The following ENPP6 variants were observed in gnomAD, a reference collection of about 807,000 sequenced individuals.
The protein encoded by ENPP6 is ectonucleotide pyrophosphatase/phosphodiesterase 6.
A neutral mutation model predicts 42.0 loss-of-function variants in ENPP6; 32 were observed. That is an observed-to-expected ratio of 0.76 (90% CI 0.58 to 1.02). The LOEUF (loss-of-function observed/expected upper bound fraction) is 1.02. Ranked by LOEUF, ENPP6 falls within the 50% of genes least tolerant of loss-of-function variation. The pLI is 0.00. For synonymous variants in ENPP6, 213 were observed against 216.0 expected (o/e 0.99, Z 0.12); for missense variants, 552 against 566.8 (o/e 0.97, Z 0.27).
intron 1 of ENPP6, among the ~76,000 whole-genome samples, chr4:184,210,324 G>C (rs1373022351): frequency 4.9e-5 from 7 of 143,112 alleles, no homozygotes; most frequent in African/African-American, 1.9e-4. Flanking sequence ...CCATCAGTGT[G>C]CTGTATTCAG....
Position 184,140,528 on chromosome 4 carries a change from G to T in ENPP6, c.421+13026C>A, listed in dbSNP as rs572169921. Among the ~76,000 whole-genome samples, 7 of 138,444 alleles carry T rather than the reference G, an allele frequency of 5.1e-5. No individual in the cohort carries two copies. In the South Asian group the frequency reaches 1.5e-3, roughly 30 times the overall value. The allele number at this position is 138,444 out of a possible 152,430, so 90.8% of individuals were successfully genotyped here. ...CAGTAACCAAAACAGCATGGTACTG[G>T]TACCAAAACAGAGATATAGATCAAT... On this transcript the variant is annotated intron_variant, in intron 2 of 7. Transcript: ENST00000296741.
chr4:184,127,921 A>G (rs1313256503), intron 2 of ENPP6, among the ~76,000 whole-genome samples: 1 of 152,142 alleles, frequency 6.6e-6, no homozygotes, highest in Non-Finnish European at 1.5e-5. Flanking sequence ...AGTGCCAGGG[A>G]AGGAAGAGAA....
At chr4:184,215,358 G>A (rs1733180356) in intron 1 of ENPP6, among the ~76,000 whole-genome samples, 1 of 152,196 alleles carries the variant, frequency 6.6e-6, no homozygotes, top group African/African-American at 2.4e-5. Context: ...CAAACCATAT[G>A]TTTAGCTACA....
intron 2 of ENPP6, among the ~76,000 whole-genome samples, chr4:184,142,338 A>G (rs1000830334): frequency 2.0e-5 from 3 of 152,262 alleles, no homozygotes; most frequent in African/African-American, 7.2e-5. Context: ...TGCATGTCTC[A>G]AGAGAGCTTA....
chr4:184,113,934 T>C (rs528877325), intron 5 of ENPP6, among the ~76,000 whole-genome samples: 20 of 146,790 alleles, frequency 1.4e-4, no homozygotes, highest in Admixed American at 2.8e-4. Context: ...TTTCTTTCTT[T>C]CTTTCTTTCT....
rs58764204 is a variant in ENPP6, at chr4:184,145,590, A to T, written c.421+7964T>A. 3.4e-4 allele frequency among the ~76,000 whole-genome samples: 52 copies of T among 152,234 alleles called. 1 individual carries two copies. Among genetic ancestry groups the T allele is most frequent in the African/African-American group, 1.2e-3 (51 of 41,526 alleles). ...AGCTCCTCGGTGGCAGGGCTGTGGC[A>T]CATTCCGACTGTGCCCCATGTACAC... On this transcript the variant is annotated intron_variant, in intron 2 of 7. Transcript: ENST00000296741.
intron 7 of ENPP6, among the ~76,000 whole-genome samples, chr4:184,094,583 C>A (rs1156673009): frequency 6.6e-6 from 1 of 152,256 alleles, no homozygotes; most frequent in East Asian, 1.9e-4. Context: ...CCCAGACAGG[C>A]TCTACTAGCT....
intron 1 of ENPP6, among the ~76,000 whole-genome samples, chr4:184,192,454 G>T (rs2091734): frequency 0.76 from 115,488 of 152,088 alleles, 45,725 homozygotes; most frequent in East Asian, 0.98. Flanking sequence ...TTCAAAAGGG[G>T]TCACAAACTT....
chr4:184,097,997 G>A (rs1735940134), intron 6 of ENPP6, among the ~76,000 whole-genome samples: 1 of 152,234 alleles, frequency 6.6e-6, no homozygotes, highest in Non-Finnish European at 1.5e-5. Flanking sequence ...CACGGGGCGT[G>A]CGGTTCCGGA....
chr4:184,155,067 C>T (rs1185053862), intron 1 of ENPP6, among the ~76,000 whole-genome samples: 4 of 152,068 alleles, frequency 2.6e-5, no homozygotes, highest in African/African-American at 7.2e-5. Context: ...CCAGGCTTCC[C>T]GGGGCTGGGT....
chr4:184,125,682 T>C (rs951843770), intron 2 of ENPP6, among the ~76,000 whole-genome samples: 1 of 152,108 alleles, frequency 6.6e-6, no homozygotes, highest in Non-Finnish European at 1.5e-5. Context: ...CTGCTTGATA[T>C]GTTGGATTCA....
chr4:184,138,315 T>C (rs1736764528), intron 2 of ENPP6, among the ~76,000 whole-genome samples: 1 of 152,232 alleles, frequency 6.6e-6, no homozygotes, highest in Admixed American at 6.5e-5. Flanking sequence ...AACTGCTTCT[T>C]TGAATGCCAA....
chr4:184,118,633 C>T (rs1192159463), intron 3 of ENPP6, among the ~76,000 whole-genome samples: 1 of 152,198 alleles, frequency 6.6e-6, no homozygotes, highest in Non-Finnish European at 1.5e-5. Context: ...TTCATTGACT[C>T]ATTAGGACCC....
At chr4:184,132,096 G>T (rs186267082) in intron 2 of ENPP6, among the ~76,000 whole-genome samples, 1 of 152,262 alleles carries the variant, frequency 6.6e-6, no homozygotes, top group African/African-American at 2.4e-5. Flanking sequence ...CAAGGGATTG[G>T]ATGATGGCCA....
chr4:184,181,597 C>T (rs1220497596), intron 1 of ENPP6, among the ~76,000 whole-genome samples: 1 of 152,168 alleles, frequency 6.6e-6, no homozygotes, highest in Non-Finnish European at 1.5e-5. Flanking sequence ...CATCATGCTA[C>T]CTGACTTCAA....
chr4:184,163,194 T>C (rs1737294481), intron 1 of ENPP6, among the ~76,000 whole-genome samples: 1 of 152,216 alleles, frequency 6.6e-6, no homozygotes, highest in African/African-American at 2.4e-5. Flanking sequence ...GAGAGTCCCC[T>C]GAACAAGTAC....
At chr4:184,112,889 AACTT>A in intron 5 of ENPP6, 80 bp from the exon 6 acceptor site, 3 of 1,407,010 alleles carry the variant, frequency 2.1e-6, no homozygotes, top group Non-Finnish European at 2.9e-6. Context: ...GGGAGAGGAG[AACTT>A]ACGTATAAGA....
At chr4:184,177,695 C>G (rs1343284419) in intron 1 of ENPP6, among the ~76,000 whole-genome samples, 1 of 152,054 alleles carries the variant, frequency 6.6e-6, no homozygotes, top group South Asian at 2.1e-4. Context: ...GCAGCCTCCA[C>G]TGGTGACACC....
At chr4:184,170,445 G>GAAAAA (rs35346469) in intron 1 of ENPP6, among the ~76,000 whole-genome samples, 1 of 143,546 alleles carries the variant, frequency 7.0e-6, no homozygotes. Context: ...AGAAAAGAAG[G>GAAAAA]AAAAAAAAAA....
Sources: allele counts gnomAD v4.1 joint callset (sites outside exome capture counted in the v4.1 genomes callset), GRCh38; gene constraint gnomAD v4.1.1; transcripts MANE v1.5; gene names NCBI Gene and HGNC (gene_info 2026-07-23, HGNC 2026-07-21).